WWOX: variants seen among roughly 807,000 people sequenced by gnomAD.
WWOX encodes WW domain containing oxidoreductase.
In WWOX, 69 loss-of-function variants were observed where a neutral mutation model predicts 46.2. The ratio of observed to expected loss-of-function variants is 1.49; its 90% CI spans 1.23 to 1.82. WWOX has a LOEUF of 1.82. WWOX is among the 40% of genes most tolerant of loss of function. WWOX has a pLI of 0.00. For synonymous variants in WWOX, 359 were observed against 202.6 expected, an observed-to-expected ratio of 1.77 and a Z score of -6.56; for missense variants, 919 against 542.6, an observed-to-expected ratio of 1.69 and a Z score of -6.89.
At chr16:78,870,459 A>AATGTCTTG (rs1195024666) in intron 8 of WWOX, among the ~76,000 whole-genome samples, 1 of 152,024 alleles carries the variant, frequency 6.6e-6, no homozygotes, top group African/African-American at 2.4e-5. Context: ...GAATTGATAC[A>AATGTCTTG]ATGTCTTGAT....
At chr16:78,564,128 C>G (rs532103961) in intron 8 of WWOX, among the ~76,000 whole-genome samples, 1 of 152,360 alleles carries the variant, frequency 6.6e-6, no homozygotes, top group East Asian at 1.9e-4. Flanking sequence ...ACAGCAGACA[C>G]CTGCCCAGCT....
At chr16:79,090,527 C>G (rs1159252910) in intron 8 of WWOX, among the ~76,000 whole-genome samples, 6 of 152,104 alleles carry the variant, frequency 3.9e-5, no homozygotes, top group African/African-American at 1.2e-4. Flanking sequence ...TCAAGACATG[C>G]AAGCAAGGAT....
intron 8 of WWOX, among the ~76,000 whole-genome samples, chr16:78,706,450 G>C (rs2142310263): frequency 6.6e-6 from 1 of 152,142 alleles, no homozygotes; most frequent in East Asian, 1.9e-4. Flanking sequence ...CTGTAATCAA[G>C]AGCTCCATCT....
intron 5 of WWOX, among the ~76,000 whole-genome samples, chr16:78,380,125 C>G (rs995751746): frequency 8.5e-5 from 13 of 152,268 alleles, no homozygotes; most frequent in African/African-American, 2.9e-4. Flanking sequence ...TGTACTTGGG[C>G]TACCGGGTTA....
intron 8 of WWOX, among the ~76,000 whole-genome samples, chr16:78,742,897 G>A (rs563200299): frequency 6.6e-6 from 1 of 152,132 alleles, no homozygotes; most frequent in East Asian, 1.9e-4. Flanking sequence ...GTCAAGGAAA[G>A]GGCCACTTCC....
intron 5 of WWOX, among the ~76,000 whole-genome samples, chr16:78,337,625 C>G (rs1043615478): frequency 1.3e-5 from 2 of 152,156 alleles, no homozygotes; most frequent in Non-Finnish European, 2.9e-5. Context: ...AGTTTCACGC[C>G]TCTAAAAGTC....
intron 5 of WWOX, among the ~76,000 whole-genome samples, chr16:78,363,514 A>T (rs777336607): frequency 6.6e-6 from 1 of 152,012 alleles, no homozygotes; most frequent in Non-Finnish European, 1.5e-5. Flanking sequence ...CCTGGGCTCA[A>T]CTGATCTTCC....
chr16:78,871,357 G>A (rs935011842), intron 8 of WWOX, among the ~76,000 whole-genome samples: 1 of 152,120 alleles, frequency 6.6e-6, no homozygotes, highest in African/African-American at 2.4e-5. Flanking sequence ...CTTGAGCCTC[G>A]ATGCCTGGAT....
chr16:79,030,847 C>G (rs926974925), intron 8 of WWOX, among the ~76,000 whole-genome samples: 1 of 152,246 alleles, frequency 6.6e-6, no homozygotes, highest in East Asian at 1.9e-4. Flanking sequence ...CTTTGGGAGG[C>G]TGAGGCAGGA....
intron 8 of WWOX, among the ~76,000 whole-genome samples, chr16:79,056,641 C>G (rs1458515767): frequency 6.6e-6 from 1 of 152,162 alleles, no homozygotes; most frequent in Non-Finnish European, 1.5e-5. Flanking sequence ...CATCCCTTCC[C>G]CCTCTTGTCA....
intron 8 of WWOX, among the ~76,000 whole-genome samples, chr16:78,827,744 G>C (rs2051701691): frequency 6.6e-6 from 1 of 152,146 alleles, no homozygotes; most frequent in African/African-American, 2.4e-5. Flanking sequence ...GGGAGGCTAA[G>C]GCAGGAGAAT....
intron 8 of WWOX, among the ~76,000 whole-genome samples, chr16:78,801,923 C>A (rs920013262): frequency 6.6e-6 from 1 of 151,872 alleles, no homozygotes; most frequent in African/African-American, 2.4e-5. Flanking sequence ...AATCGCTTAA[C>A]CTCTTTCAAT....
chr16:78,979,485 T>C (rs2046638829), intron 8 of WWOX, among the ~76,000 whole-genome samples: 1 of 152,100 alleles, frequency 6.6e-6, no homozygotes, highest in African/African-American at 2.4e-5. Flanking sequence ...ACTGCATGAT[T>C]TTGCTCAGGA....
intron 8 of WWOX, among the ~76,000 whole-genome samples, chr16:79,105,372 C>T (rs996015453): frequency 6.6e-6 from 1 of 152,114 alleles, no homozygotes; most frequent in Admixed American, 6.5e-5. Flanking sequence ...GAAAAGGGCA[C>T]CAACTCCATA....
chr16:78,395,689 G>C (rs1450017020), intron 6 of WWOX, among the ~76,000 whole-genome samples: 3 of 152,174 alleles, frequency 2.0e-5, no homozygotes, highest in African/African-American at 7.2e-5. Context: ...TGTTACTGTA[G>C]TGATGTTCCA....
At chr16:78,440,141 C>A (rs1332479091) in intron 8 of WWOX, among the ~76,000 whole-genome samples, 2 of 152,136 alleles carry the variant, frequency 1.3e-5, no homozygotes, top group East Asian at 3.8e-4. Context: ...TTGACACAGG[C>A]ACTGTTGAAT....
chr16:79,160,952 T>C (rs1057337271), intron 8 of WWOX, among the ~76,000 whole-genome samples: 1 of 152,224 alleles, frequency 6.6e-6, no homozygotes, highest in African/African-American at 2.4e-5. Flanking sequence ...GTATACATGC[T>C]ATATATAATG....
chr16:79,027,234 C>T (rs1216564604), intron 8 of WWOX, among the ~76,000 whole-genome samples: 7 of 142,490 alleles, frequency 4.9e-5, no homozygotes, highest in Non-Finnish European at 9.0e-5. Flanking sequence ...GGGCTGTGAT[C>T]ATGCCACTGC....
intron 6 of WWOX, among the ~76,000 whole-genome samples, chr16:78,399,424 A>G (rs1171153394): frequency 2.6e-5 from 4 of 152,194 alleles, no homozygotes; most frequent in African/African-American, 7.2e-5. Context: ...CAAGGAATCT[A>G]TGAACCTTAA....
Sources: gnomAD v4.1 joint callset for allele counts (sites outside exome capture counted in the v4.1 genomes callset) on GRCh38, gnomAD v4.1.1 for gene constraint, MANE v1.5 for transcripts, NCBI Gene and HGNC (gene_info 2026-07-23, HGNC 2026-07-21) for gene names.